Variants in NRG1 observed in about 807,000 individuals in gnomAD.
The protein encoded by NRG1 is neuregulin 1.
In NRG1, 18 loss-of-function variants were observed where a neutral mutation model predicts 63.8. The observed-to-expected ratio is 0.28, with a 90% CI of 0.19 to 0.42. The LOEUF is 0.42. Among genes scored for constraint, NRG1 ranks in the 10% least tolerant of loss-of-function variants. The pLI is 1.00. For missense variants in NRG1, 762 were observed against 814.7 expected (o/e 0.94, Z 0.79); for synonymous variants, 302 against 301.3 (o/e 1.00, Z -0.02).
At chr8:32,434,374 T>C (rs1164819394) in intron 1 of NRG1, among the ~76,000 whole-genome samples, 1 of 152,132 alleles carries the variant, frequency 6.6e-6, no homozygotes, top group Non-Finnish European at 1.5e-5. Flanking sequence ...TAACAATGCC[T>C]GTGAAAAATA....
Position 31,878,735 on chromosome 8 carries a change from A to C in NRG1, c.37+239304A>C, listed in dbSNP as rs555194789. On this transcript the variant is annotated intron_variant, in intron 1 of 10. Transcript: ENST00000519301. ...AGTCATGCAGTTCATGTAGGAATCG[A>C]GGTCCTTGAGGCCTGTTGGACTACA... Among the ~76,000 whole-genome samples, 11 of 152,286 alleles carry C rather than the reference A, an allele frequency of 7.2e-5. No individual in the cohort carries two copies. The East Asian group carries it at 2.1e-3, about 29-fold the overall frequency.
At chr8:32,744,396 C>T (rs1827063241) in intron 7 of NRG1, among the ~76,000 whole-genome samples, 1 of 152,034 alleles carries the variant, frequency 6.6e-6, no homozygotes, top group Non-Finnish European at 1.5e-5. Context: ...TATTCACAAA[C>T]ATTTAAGTAA....
At chr8:32,584,381 A>G (rs982969849) in intron 1 of NRG1, among the ~76,000 whole-genome samples, 1 of 152,202 alleles carries the variant, frequency 6.6e-6, no homozygotes, top group Non-Finnish European at 1.5e-5. Context: ...TAGGTTGTCC[A>G]TGGACCTGCT....
intron 1 of NRG1, among the ~76,000 whole-genome samples, chr8:32,587,232 G>T (rs1263609745): frequency 6.6e-6 from 1 of 151,858 alleles, no homozygotes; most frequent in African/African-American, 2.4e-5. Context: ...AAAAATTAAA[G>T]CAGAGAAGGT....
At chr8:32,407,235 G>C (rs1037535490) in intron 1 of NRG1, among the ~76,000 whole-genome samples, 1 of 140,376 alleles carries the variant, frequency 7.1e-6, no homozygotes, top group Non-Finnish European at 1.5e-5. Flanking sequence ...TCAATGATTT[G>C]GTAGAAGACT....
At chr8:31,839,458 C>T (rs1825989935) in intron 1 of NRG1, among the ~76,000 whole-genome samples, 1 of 151,930 alleles carries the variant, frequency 6.6e-6, no homozygotes, top group African/African-American at 2.4e-5. Flanking sequence ...TCCACATGTT[C>T]CACAGTTGTT....
chr8:32,521,219 A>G (rs770764645), intron 1 of NRG1, among the ~76,000 whole-genome samples: 10 of 152,170 alleles, frequency 6.6e-5, no homozygotes, highest in Non-Finnish European at 1.5e-4. Context: ...ACCACTGTAG[A>G]GGCAAATGGA....
At chr8:32,352,060 A>G (rs570360625) in intron 1 of NRG1, among the ~76,000 whole-genome samples, 3 of 151,848 alleles carry the variant, frequency 2.0e-5, no homozygotes, top group African/African-American at 4.8e-5. Flanking sequence ...TTCAATCTCT[A>G]TAATTGTATA....
intron 5 of NRG1, among the ~76,000 whole-genome samples, chr8:32,652,584 T>C (rs1588993170): frequency 6.6e-6 from 1 of 152,272 alleles, no homozygotes; most frequent in Non-Finnish European, 1.5e-5. Flanking sequence ...TTGCATCATA[T>C]CAAAATAATT....
intron 1 of NRG1, among the ~76,000 whole-genome samples, chr8:32,405,725 C>A (rs887164763): frequency 3.3e-4 from 50 of 152,268 alleles, no homozygotes; most frequent in African/African-American, 1.2e-3. Context: ...AGTTTACAAT[C>A]ATGAGTATTT....
chr8:31,827,966 G>A (rs1024093109), intron 1 of NRG1, among the ~76,000 whole-genome samples: 1 of 152,154 alleles, frequency 6.6e-6, no homozygotes. Context: ...GTCCCAGAGG[G>A]ATCTGTCTGT....
At chr8:32,286,823 C>G (rs983921086) in intron 1 of NRG1, among the ~76,000 whole-genome samples, 8 of 152,038 alleles carry the variant, frequency 5.3e-5, no homozygotes, top group South Asian at 2.1e-4. Flanking sequence ...CTGGTGAAAC[C>G]CTGTCTGTAC....
chr8:32,422,164 A>T (rs1563442827), intron 1 of NRG1, among the ~76,000 whole-genome samples: 2 of 152,162 alleles, frequency 1.3e-5, no homozygotes, highest in Non-Finnish European at 2.9e-5. Context: ...AAAAAAGATA[A>T]TTTTTTTAAA....
At chr8:32,618,324 T>C (rs1235636400) in intron 5 of NRG1, among the ~76,000 whole-genome samples, 2 of 152,130 alleles carry the variant, frequency 1.3e-5, no homozygotes, top group African/African-American at 4.8e-5. Flanking sequence ...ACTCTTGTAA[T>C]TGGAACCCTT....
intron 1 of NRG1, among the ~76,000 whole-genome samples, chr8:31,644,993 C>T (rs1213949321): frequency 1.3e-5 from 2 of 152,076 alleles, no homozygotes; most frequent in Non-Finnish European, 2.9e-5. Flanking sequence ...TTTGTTACCA[C>T]CCCAAAATAG....
intron 7 of NRG1, chr8:32,749,934 G>A (rs1270032260): frequency 8.1e-6 from 2 of 246,866 alleles, no homozygotes; most frequent in Non-Finnish European, 1.6e-5. Context: ...AAGGATACAG[G>A]GGAAATCCAC....
upstream of NRG1, among the ~76,000 whole-genome samples, chr8:32,543,967 G>A (rs1227130349): frequency 6.6e-6 from 1 of 152,120 alleles, no homozygotes; most frequent in Non-Finnish European, 1.5e-5. Context: ...CAGGACAATC[G>A]CAAATCTGTG....
intron 1 of NRG1, among the ~76,000 whole-genome samples, chr8:31,781,161 C>T (rs771389038): frequency 9.2e-5 from 14 of 152,036 alleles, no homozygotes; most frequent in Non-Finnish European, 1.8e-4. Context: ...CAGATTTATT[C>T]ATTCTTTATT....
intron 1 of NRG1, among the ~76,000 whole-genome samples, chr8:32,372,274 C>T (rs1315573344): frequency 1.3e-5 from 2 of 151,862 alleles, no homozygotes; most frequent in Non-Finnish European, 2.9e-5. Flanking sequence ...ACGGGTGTGA[C>T]CCAGTGTGCC....
Sources: allele counts gnomAD v4.1 joint callset (sites outside exome capture counted in the v4.1 genomes callset), GRCh38; gene constraint gnomAD v4.1.1; transcripts MANE v1.5; gene names NCBI Gene and HGNC (gene_info 2026-07-23, HGNC 2026-07-21).